NMNAT3: variants seen among roughly 807,000 people sequenced by gnomAD.
The protein encoded by NMNAT3 is nicotinamide/nicotinic acid mononucleotide adenylyltransferase 3.
NMNAT3 carries 21 observed loss-of-function variants against 24.8 expected under a neutral mutation model. The ratio of observed to expected loss-of-function variants is 0.85; its 90% CI spans 0.60 to 1.22. The LOEUF (loss-of-function observed/expected upper bound fraction) is 1.22. Ranked by LOEUF, NMNAT3 falls within the 50% of genes most tolerant of loss-of-function variation. NMNAT3 has a pLI of 0.00. For synonymous variants in NMNAT3, 136 were observed against 155.2 expected (o/e 0.88, Z 0.92); for missense variants, 387 against 436.6 (o/e 0.89, Z 1.01).
chr3:139,639,043 G>A (rs909587196), intron 1 of NMNAT3, among the ~76,000 whole-genome samples: 9 of 152,278 alleles, frequency 5.9e-5, no homozygotes, highest in Admixed American at 3.9e-4. Context: ...AGCTGTCAAT[G>A]CCTATTCCTT....
At chr3:139,676,150 C>T (rs976132224) in intron 1 of NMNAT3, among the ~76,000 whole-genome samples, 1 of 152,224 alleles carries the variant, frequency 6.6e-6, no homozygotes, top group African/African-American at 2.4e-5. Context: ...CCACTCCCCA[C>T]AAATGGTGCC....
chr3:139,659,313 A>G (rs11714387), intron 1 of NMNAT3, among the ~76,000 whole-genome samples: 43,360 of 152,062 alleles, frequency 0.29, 6,421 homozygotes, highest in East Asian at 0.45. Context: ...CTGGCCCACG[A>G]GAGTGTATGA....
At chr3:139,575,085 C>G (rs1363772333) in intron 5 of NMNAT3, among the ~76,000 whole-genome samples, 1 of 152,194 alleles carries the variant, frequency 6.6e-6, no homozygotes, top group East Asian at 1.9e-4. Flanking sequence ...TACTCTTAGT[C>G]TATCTTCCCA....
intron 3 of NMNAT3, among the ~76,000 whole-genome samples, chr3:139,622,279 A>T (rs1252656155): frequency 6.6e-6 from 1 of 152,034 alleles, no homozygotes; most frequent in Admixed American, 6.5e-5. Context: ...AGCCATTCTG[A>T]CCGGGTAAGA....
intron 1 of NMNAT3, among the ~76,000 whole-genome samples, chr3:139,640,140 G>T (rs7634833): frequency 6.6e-5 from 10 of 152,218 alleles, no homozygotes; most frequent in Non-Finnish European, 1.5e-4. Context: ...CATGCATAAG[G>T]GTCCTAGGAA....
chr3:139,640,009 A>G (rs550007259), intron 1 of NMNAT3, among the ~76,000 whole-genome samples: 1 of 152,332 alleles, frequency 6.6e-6, no homozygotes, highest in East Asian at 1.9e-4. Flanking sequence ...CTACATGGCC[A>G]CAGTCCAGCT....
At chr3:139,575,461 A>T in intron 5 of NMNAT3, 1 of 327,202 alleles carries the variant, frequency 3.1e-6, no homozygotes, top group Non-Finnish European at 4.4e-6. Context: ...GTCCTTATAT[A>T]TAAAATAGGG....
chr3:139,639,453 A>G (rs2056622452), intron 1 of NMNAT3, among the ~76,000 whole-genome samples: 1 of 152,242 alleles, frequency 6.6e-6, no homozygotes, highest in South Asian at 2.1e-4. Context: ...CTGCTGGGAC[A>G]AAGGCAGGCA....
At chr3:139,662,718 C>A (rs1559968102) in intron 1 of NMNAT3, among the ~76,000 whole-genome samples, 1 of 152,132 alleles carries the variant, frequency 6.6e-6, no homozygotes, top group Admixed American at 6.5e-5. Context: ...CCTTTGGCCA[C>A]CCATTGGGCC....
At chr3:139,599,113 C>T in intron 3 of NMNAT3, 1 of 551,226 alleles carries the variant, frequency 1.8e-6, no homozygotes, top group Non-Finnish European at 3.2e-6. Context: ...TAATAGCATT[C>T]CAAACTGTAA....
rs79403416 is a variant in NMNAT3, at chr3:139,669,118, C to T, written c.-141+8587G>A. On this transcript the variant is annotated intron_variant, in intron 1 of 6. Transcript: ENST00000643695. Reference sequence around the variant, plus strand: ...ACATAGAGAGTGTTTCTAGAATCTGCATTATGCCCCAAATTTCTGCTGCTA... The same window carrying T: ...ACATAGAGAGTGTTTCTAGAATCTGTATTATGCCCCAAATTTCTGCTGCTA... Among the ~76,000 whole-genome samples, 1,189 of 152,206 alleles carry T rather than the reference C, an allele frequency of 7.8e-3. 3 individuals are homozygous for T. Among genetic ancestry groups the T allele is most frequent in the Middle Eastern group, 0.017 (5 of 294 alleles).
chr3:139,611,041 G>C (rs13061874), intron 3 of NMNAT3, among the ~76,000 whole-genome samples: 3 of 103,212 alleles, frequency 2.9e-5, no homozygotes, highest in African/African-American at 9.7e-5. Context: ...AGGATGGGGG[G>C]GGTGGTGGTG....
intron 5 of NMNAT3, chr3:139,577,715 T>G (rs1194537887): frequency 6.6e-6 from 1 of 152,204 alleles, no homozygotes; most frequent in Non-Finnish European, 1.5e-5. Context: ...TTTATACTAA[T>G]GGGTCATTAA....
chr3:139,584,969 T>C (rs1216514537), intron 3 of NMNAT3, among the ~76,000 whole-genome samples: 1 of 152,176 alleles, frequency 6.6e-6, no homozygotes, highest in Non-Finnish European at 1.5e-5. Context: ...TTTTGTTTCA[T>C]ACATTTTCAG....
intron 5 of NMNAT3, among the ~76,000 whole-genome samples, chr3:139,578,314 C>CT (rs1230374288): frequency 2.0e-5 from 3 of 152,148 alleles, no homozygotes; most frequent in Non-Finnish European, 2.9e-5. Flanking sequence ...GATTTATAGT[C>CT]TTTTTTTTCT....
intron 3 of NMNAT3, among the ~76,000 whole-genome samples, chr3:139,613,844 A>G (rs2055348939): frequency 6.6e-6 from 1 of 152,194 alleles, no homozygotes; most frequent in Non-Finnish European, 1.5e-5. Context: ...AGGGACATGG[A>G]TGAAGCTGGA....
At chr3:139,665,932 G>T (rs777004041) in intron 1 of NMNAT3, among the ~76,000 whole-genome samples, 1 of 152,202 alleles carries the variant, frequency 6.6e-6, no homozygotes, top group South Asian at 2.1e-4. Flanking sequence ...GGGAGGCAAA[G>T]GTAGAAGCTA....
intron 3 of NMNAT3, among the ~76,000 whole-genome samples, chr3:139,606,543 A>G (rs2054953724): frequency 6.6e-6 from 1 of 152,214 alleles, no homozygotes; most frequent in Admixed American, 6.5e-5. Flanking sequence ...TGTAAATAAT[A>G]TGTGTCCTGT....
intron 3 of NMNAT3, among the ~76,000 whole-genome samples, chr3:139,600,595 C>T (rs1035118286): frequency 6.6e-6 from 1 of 152,144 alleles, no homozygotes; most frequent in African/African-American, 2.4e-5. Context: ...GGCCTGCCAC[C>T]TGGATCTATT....
Sources: allele counts gnomAD v4.1 joint callset (sites outside exome capture counted in the v4.1 genomes callset), GRCh38; gene constraint gnomAD v4.1.1; transcripts MANE v1.5; gene names NCBI Gene and HGNC (gene_info 2026-07-23, HGNC 2026-07-21).